The following GBF1 variants were observed in gnomAD, a reference collection of about 807,000 sequenced individuals.
The protein encoded by GBF1 is Golgi-specific brefeldin A-resistance guanine nucleotide exchange factor 1.
A neutral mutation model predicts 210.5 loss-of-function variants in GBF1; 114 were observed. That is an observed-to-expected ratio of 0.54 (90% CI 0.47 to 0.63). The LOEUF (loss-of-function observed/expected upper bound fraction) is 0.63. Ranked by LOEUF, GBF1 falls within the 30% of genes least tolerant of loss-of-function variation. The pLI, the probability that GBF1 is intolerant of heterozygous loss-of-function variation, is 0.00. For synonymous variants in GBF1, 850 were observed against 889.2 expected, an observed-to-expected ratio of 0.96 and a Z score of 0.78; for missense variants, 1,851 against 2,357.7, an observed-to-expected ratio of 0.79 and a Z score of 4.45.
intron 3 of GBF1, among the ~76,000 whole-genome samples, chr10:102,303,515 T>A (rs2133868252): frequency 6.6e-6 from 1 of 152,346 alleles, no homozygotes; most frequent in South Asian, 2.1e-4. Flanking sequence ...TAGAAAATCT[T>A]GATGACTTTC....
chr10:102,350,048 A>C (rs2058837590), intron 4 of GBF1, among the ~76,000 whole-genome samples: 1 of 152,120 alleles, frequency 6.6e-6, no homozygotes, highest in African/African-American at 2.4e-5. Context: ...AATAAGAATG[A>C]AACTAAAGAA....
At chr10:102,234,606 T>C in the GBF1 span, among the ~76,000 whole-genome samples, 1 of 152,012 alleles carries the variant, frequency 6.6e-6, no homozygotes, top group Non-Finnish European at 1.5e-5. Context: ...AACTGAGAGT[T>C]GGAAAAAGGG....
chr10:102,374,827 T>G (rs112747863), intron 29 of GBF1, among the ~76,000 whole-genome samples: 1,853 of 152,298 alleles, frequency 0.012, 32 homozygotes, highest in African/African-American at 0.043. Flanking sequence ...GGGACCTTTT[T>G]GTATTATTTC....
the GBF1 span, among the ~76,000 whole-genome samples, chr10:102,233,995 C>T: frequency 6.6e-6 from 1 of 152,128 alleles, no homozygotes; most frequent in Non-Finnish European, 1.5e-5. Context: ...TGGAGGAGAA[C>T]AGAAGGAGGC....
intron 1 of GBF1, among the ~76,000 whole-genome samples, chr10:102,257,304 A>G (rs1441312140): frequency 2.6e-5 from 4 of 151,956 alleles, no homozygotes; most frequent in African/African-American, 7.3e-5. Context: ...TCATTTGTTT[A>G]TATTTATATT....
At chr10:102,257,693 T>C (rs570675232) in intron 1 of GBF1, among the ~76,000 whole-genome samples, 22 of 152,196 alleles carry the variant, frequency 1.4e-4, no homozygotes, top group Non-Finnish European at 2.8e-4. Context: ...TTCTTTTCTT[T>C]AACTTGAATC....
chr10:102,247,412 C>T (rs890997098), intron 1 of GBF1, among the ~76,000 whole-genome samples: 8 of 152,108 alleles, frequency 5.3e-5, no homozygotes, highest in African/African-American at 1.7e-4. Flanking sequence ...TCCCCTCTCC[C>T]CGCCCCCAAG....
chr10:102,236,286 T>G, the GBF1 span, among the ~76,000 whole-genome samples: 2 of 152,084 alleles, frequency 1.3e-5, no homozygotes, highest in Non-Finnish European at 2.9e-5. Context: ...GAACAAGCAG[T>G]AGGTCTGGAA....
At chr10:102,235,720 A>G in the GBF1 span, among the ~76,000 whole-genome samples, 1 of 152,184 alleles carries the variant, frequency 6.6e-6, no homozygotes, top group Admixed American at 6.5e-5. Flanking sequence ...CTAAGATCTC[A>G]TCCCTGTGTC....
In GBF1 at chr10:102,376,812, G is replaced by A; in HGVS notation, c.4288+12G>A. On this transcript the variant is annotated intron_variant, in intron 32 of 39. Coordinates refer to ENST00000369983, the MANE Select transcript of GBF1 (RefSeq NM_001377137.1). ...CAGTCTGAATGGCGGTGGGTCAGCT[G>A]ATGAGGGGGCAGCTGGGGAGTAGCC... 6.2e-7 allele frequency: 1 copy of A among 1,609,058 alleles called. No homozygotes were observed. The highest frequency in any genetic ancestry group is 1.1e-5 in the South Asian group (1 of 91,078).
chr10:102,231,957 G>C, the GBF1 span: 1 of 1,601,734 alleles, frequency 6.2e-7, no homozygotes, highest in Non-Finnish European at 8.5e-7. Context: ...AAGGGGGCGC[G>C]CTTACCGCTG....
At chr10:102,350,217 C>T (rs1465987496) in intron 4 of GBF1, among the ~76,000 whole-genome samples, 4 of 151,996 alleles carry the variant, frequency 2.6e-5, no homozygotes, top group Non-Finnish European at 5.9e-5. Context: ...GGCGTGGCGG[C>T]GCATGCCTGT....
chr10:102,349,664 C>T (rs1262952613), intron 4 of GBF1, among the ~76,000 whole-genome samples: 1 of 152,186 alleles, frequency 6.6e-6, no homozygotes, highest in Non-Finnish European at 1.5e-5. Context: ...AAAGCTTTTT[C>T]ATATGCCTGC....
chr10:102,375,371 C>G lies in GBF1; in HGVS notation c.3673C>G (p.Leu1225Val), dbSNP rs762010839. 1 of 1,610,762 alleles carries G rather than the reference C, an allele frequency of 6.2e-7. No individual in the cohort carries two copies. Among genetic ancestry groups the G allele is most frequent in the Non-Finnish European group, 8.5e-7 (1 of 1,176,978 alleles). The stretch of plus-strand genomic sequence containing the variant: ...AACCCCACTCCAGGTGCTGCTCTCC[C>G]TGCGCATTTTGCTACTGATGAAGCC... ...EEISAQVLLSLRILLLMKPSV... is the reference protein window; with the variant it reads ...EEISAQVLLSVRILLLMKPSV... The change falls in exon 30 of 40, where the codon CTG (leucine) becomes GTG (valine). Residue 1225 changes from leucine to valine, a missense_variant. Transcript: ENST00000369983.
chr10:102,367,594 G>T (rs781063594), intron 21 of GBF1, 34 bp downstream of exon 21: 3 of 1,177,762 alleles, frequency 2.5e-6, no homozygotes, highest in Non-Finnish European at 2.6e-6. Context: ...CAGTATCTCT[G>T]TTAAGAAGAA....
chr10:102,342,414 CACAG>C (rs1462910244), intron 3 of GBF1, among the ~76,000 whole-genome samples: 3 of 151,880 alleles, frequency 2.0e-5, no homozygotes, highest in South Asian at 2.1e-4. Context: ...CACACTCACA[CACAG>C]ACACACACAC....
chr10:102,370,695 A>T lies in GBF1; in HGVS notation c.3507-12A>T, dbSNP rs371534703. On this transcript the variant is annotated splice_polypyrimidine_tract_variant and intron_variant, in intron 28 of 39. Transcript: ENST00000369983. ...TGGCTGAGACTATCTTCATTCCTTT[A>T]TGTCTACACAGGGATCGTGTGGGCT... is the stretch of plus-strand genomic sequence containing the variant. The T allele has an allele frequency of 8.7e-6, 14 of 1,612,856 alleles. No homozygotes were observed. The highest frequency in any genetic ancestry group is 1.7e-5 in the Admixed American group (1 of 59,966).
intron 3 of GBF1, among the ~76,000 whole-genome samples, chr10:102,299,553 C>T (rs995252333): frequency 1.3e-5 from 2 of 152,162 alleles, no homozygotes; most frequent in Admixed American, 1.3e-4. Context: ...GACGCAGAGG[C>T]GGGTGGATTA....
At chr10:102,345,055 G>A (rs2058441826) in intron 4 of GBF1, among the ~76,000 whole-genome samples, 2 of 152,006 alleles carry the variant, frequency 1.3e-5, no homozygotes, top group Admixed American at 1.3e-4. Context: ...TGGCCAAGGC[G>A]GGTGGATCAC....
Sources: gnomAD v4.1 joint callset for allele counts (sites outside exome capture counted in the v4.1 genomes callset) on GRCh38, gnomAD v4.1.1 for gene constraint, MANE v1.5 for transcripts, NCBI Gene and HGNC (gene_info 2026-07-23, HGNC 2026-07-21) for gene names.